Variants in GRIN2B observed in about 807,000 individuals in gnomAD.
GRIN2B encodes glutamate receptor ionotropic, NMDA 2B.
Under a neutral mutation model 114.5 loss-of-function variants are expected in GRIN2B, and 5 were observed. The ratio of observed to expected loss-of-function variants is 0.04; its 90% CI spans 0.02 to 0.09. GRIN2B has a LOEUF of 0.09. Ranked by LOEUF, GRIN2B falls within the 10% of genes least tolerant of loss-of-function variation. The pLI is 1.00. For synonymous variants in GRIN2B, 787 were observed against 745.1 expected (o/e 1.06, Z -0.92); for missense variants, 1,108 against 1,943.5 (o/e 0.57, Z 8.08).
intron 10 of GRIN2B, among the ~76,000 whole-genome samples, chr12:13,605,552 G>GAC (rs66916614): frequency 0.02 from 2,548 of 129,718 alleles, 60 homozygotes; most frequent in African/African-American, 0.022. Context: ...CTCTCTCTCT[G>GAC]ACACACACAC....
Position 13,542,370 on chromosome 12 carries a change from C to T in GRIN2B, c.*20413G>A, listed in dbSNP as rs963597365. The T allele has an allele frequency of 2.6e-5, 4 of 152,110 alleles. No individual in the cohort carries two copies. The highest frequency in any genetic ancestry group is 4.1e-4 in the South Asian group (2 of 4,836). The allele number at this position is 152,110 out of a possible 1,614,324, so 9.4% of individuals were successfully genotyped here. ...ACAAGATTTCCTGTGAAAATGTGTA[C>T]TTTCCAGGATAAATAGTCAAAATGT... On this transcript the variant is annotated 3_prime_UTR_variant, in exon 14 of 14. Coordinates refer to ENST00000609686, the MANE Select transcript of GRIN2B (RefSeq NM_000834.5).
chr12:13,617,810 T>C (rs950581165), intron 5 of GRIN2B, among the ~76,000 whole-genome samples: 1 of 152,212 alleles, frequency 6.6e-6, no homozygotes, highest in African/African-American at 2.4e-5. Flanking sequence ...TAGGACTTCA[T>C]AAATTTTCAA....
At chr12:13,616,906 G>A (rs906963683) in intron 5 of GRIN2B, among the ~76,000 whole-genome samples, 1 of 152,218 alleles carries the variant, frequency 6.6e-6, no homozygotes, top group Non-Finnish European at 1.5e-5. Flanking sequence ...GACCTACTAT[G>A]TGCTGGCACC....
At chr12:13,760,910 G>A (rs1863666685) in intron 3 of GRIN2B, among the ~76,000 whole-genome samples, 1 of 152,132 alleles carries the variant, frequency 6.6e-6, no homozygotes, top group East Asian at 1.9e-4. Flanking sequence ...TTTTTCTGGT[G>A]ACTAAGGCTG....
intron 4 of GRIN2B, among the ~76,000 whole-genome samples, chr12:13,743,080 T>C (rs1863313473): frequency 6.6e-6 from 1 of 152,138 alleles, no homozygotes; most frequent in African/African-American, 2.4e-5. Flanking sequence ...TATGCTCACA[T>C]ATCTCATTTA....
intron 10 of GRIN2B, among the ~76,000 whole-genome samples, chr12:13,579,294 A>C (rs1948814896): frequency 6.6e-6 from 1 of 152,172 alleles, no homozygotes; most frequent in Admixed American, 6.5e-5. Context: ...TTCTGTGCAA[A>C]GGAGTTTAGA....
In GRIN2B at chr12:13,563,535, C is replaced by T. The variant is rs886049099; in HGVS notation, c.3703G>A (p.Gly1235Ser). The change falls in exon 14 of 14, where the codon GGC becomes AGC. Residue 1235 changes from glycine to serine, a missense_variant. By Grantham distance (56) the Gly-to-Ser change is moderately conservative (BLOSUM62 0). Transcript: ENST00000609686. ...YSTTVTGQNSGRQACIRCEAC... is the reference protein window; with the variant it reads ...YSTTVTGQNSSRQACIRCEAC... ...TCACACCGGATGCACGCCTGCCTGC[C>T]CGAGTTCTGACCCGTCACCGTCGTG... 9 of 1,614,140 alleles carry T rather than the reference C, an allele frequency of 5.6e-6. No individual in the cohort carries two copies. The highest frequency in any genetic ancestry group is 6.8e-6 in the Non-Finnish European group (8 of 1,180,032).
At chr12:13,804,715 T>A (rs1591741635) in intron 3 of GRIN2B, among the ~76,000 whole-genome samples, 1 of 152,302 alleles carries the variant, frequency 6.6e-6, no homozygotes, top group South Asian at 2.1e-4. Context: ...TTATATTATA[T>A]ACATTTGGTT....
intron 2 of GRIN2B, among the ~76,000 whole-genome samples, chr12:13,928,091 A>G (rs1591626412): frequency 1.3e-5 from 2 of 151,686 alleles, no homozygotes; most frequent in South Asian, 4.2e-4. Flanking sequence ...CGGGTGGATC[A>G]CTTGAGGTCA....
chr12:13,965,824 T>C (rs1200548921), intron 2 of GRIN2B, among the ~76,000 whole-genome samples: 2 of 152,180 alleles, frequency 1.3e-5, no homozygotes, highest in Non-Finnish European at 2.9e-5. Context: ...GCTCCTAAAG[T>C]CTTAAATCTT....
chr12:13,830,609 T>G (rs950382927), intron 3 of GRIN2B, among the ~76,000 whole-genome samples: 1 of 152,212 alleles, frequency 6.6e-6, no homozygotes, highest in Admixed American at 6.5e-5. Context: ...TGTATATATA[T>G]TGACACACAA....
chr12:13,961,295 G>A (rs1867687275), intron 2 of GRIN2B, among the ~76,000 whole-genome samples: 1 of 152,118 alleles, frequency 6.6e-6, no homozygotes, highest in African/African-American at 2.4e-5. Flanking sequence ...GGTCAGTGAT[G>A]TAAGTGAAGT....
At chr12:13,774,551 T>C (rs1228465061) in intron 3 of GRIN2B, among the ~76,000 whole-genome samples, 2 of 152,216 alleles carry the variant, frequency 1.3e-5, no homozygotes, top group Non-Finnish European at 2.9e-5. Flanking sequence ...GGGATTACTA[T>C]CCACTGGATT....
intron 3 of GRIN2B, among the ~76,000 whole-genome samples, chr12:13,824,523 C>G (rs1864994635): frequency 6.6e-6 from 1 of 152,080 alleles, no homozygotes; most frequent in Non-Finnish European, 1.5e-5. Context: ...AGTTCTGAGC[C>G]AGTCTTGCTA....
At chr12:13,742,233 G>A (rs1028910811) in intron 4 of GRIN2B, among the ~76,000 whole-genome samples, 1 of 152,128 alleles carries the variant, frequency 6.6e-6, no homozygotes, top group Non-Finnish European at 1.5e-5. Flanking sequence ...TGCTTTTCAA[G>A]GTTTTCTGCT....
intron 2 of GRIN2B, among the ~76,000 whole-genome samples, chr12:13,958,052 G>A (rs771646042): frequency 5.3e-5 from 8 of 152,146 alleles, no homozygotes; most frequent in East Asian, 1.9e-4. Context: ...CAACATTTCC[G>A]TCACGGTAGA....
At chr12:13,631,826 T>G (rs1034225910) in intron 5 of GRIN2B, among the ~76,000 whole-genome samples, 3 of 152,204 alleles carry the variant, frequency 2.0e-5, no homozygotes, top group African/African-American at 7.2e-5. Flanking sequence ...TGCCAGCTTG[T>G]GGCTAAAGAA....
In GRIN2B at chr12:13,562,498, C is replaced by G. The variant is rs71539419; in HGVS notation, c.*285G>C. On this transcript the variant is annotated 3_prime_UTR_variant, in exon 14 of 14. Transcript: ENST00000609686. ...GCCCGCATGCAGCCCTTCCTTTCTCCGCTCTACCCTCCCCTGCTGAGAGGG... is the reference window on the plus strand; with the variant it reads ...GCCCGCATGCAGCCCTTCCTTTCTCGGCTCTACCCTCCCCTGCTGAGAGGG... The G allele has an allele frequency of 2.4e-5, 10 of 423,010 alleles. No homozygotes were observed. The highest frequency in any genetic ancestry group is 2.6e-5 in the Non-Finnish European group (6 of 234,464). The allele number at this position is 423,010 out of a possible 1,614,324, so 26.2% of individuals were successfully genotyped here.
chr12:13,752,064 C>A (rs1453403698), intron 4 of GRIN2B, among the ~76,000 whole-genome samples: 1 of 152,146 alleles, frequency 6.6e-6, no homozygotes, highest in Non-Finnish European at 1.5e-5. Flanking sequence ...CTACTGTGAA[C>A]CTGGTTTGAG....
Sources: allele counts gnomAD v4.1 joint callset (sites outside exome capture counted in the v4.1 genomes callset), GRCh38; gene constraint gnomAD v4.1.1; transcripts MANE v1.5; gene names NCBI Gene and HGNC (gene_info 2026-07-23, HGNC 2026-07-21).